RSAD2: variants seen among roughly 807,000 people sequenced by gnomAD.
RSAD2 encodes radical S-adenosyl methionine domain containing 2.
A neutral mutation model predicts 37.7 loss-of-function variants in RSAD2; 38 were observed. That is an observed-to-expected ratio of 1.01 (90% CI 0.78 to 1.32). RSAD2 has a LOEUF of 1.32. RSAD2 is among the 40% of genes most tolerant of loss of function. RSAD2 has a pLI of 0.00. For missense variants in RSAD2, 428 were observed against 437.5 expected, an observed-to-expected ratio of 0.98 and a Z score of 0.19; for synonymous variants, 163 against 157.4, an observed-to-expected ratio of 1.04 and a Z score of -0.27.
chr2:6,867,322 G>A (rs1315602632), intron 1 of RSAD2, among the ~76,000 whole-genome samples: 1 of 152,180 alleles, frequency 6.6e-6, no homozygotes, highest in Non-Finnish European at 1.5e-5. Flanking sequence ...TCTTTCTAGC[G>A]TGCAGACCGC....
Position 6,896,039 on chromosome 2 carries a change from C to T in RSAD2, c.*97C>T, listed in dbSNP as rs1663769186. 2 of 1,221,044 alleles carry T rather than the reference C, an allele frequency of 1.6e-6. No homozygotes were observed. Among genetic ancestry groups the T allele is most frequent in the Non-Finnish European group, 2.3e-6 (2 of 877,792 alleles). 75.6% of individuals were successfully genotyped at this position (1,221,044 alleles called of 1,614,324 possible). A position where few individuals can be genotyped will look rare whatever the true frequency, so the allele number is the denominator to read the frequency against. ...CTATCCCGTTGGTATTTCCCAGTGG[C>T]TGAAAACCTGATTTTCTGCTGCACG... On this transcript the variant is annotated 3_prime_UTR_variant, in exon 6 of 6. Transcript: ENST00000382040.
intron 1 of RSAD2, 72 bp downstream of exon 1, chr2:6,878,218 G>C: frequency 7.7e-7 from 1 of 1,302,872 alleles, no homozygotes; most frequent in Non-Finnish European, 1.1e-6. Context: ...AGAAGGGGCT[G>C]GGGGTATGCA....
intron 4 of RSAD2, among the ~76,000 whole-genome samples, chr2:6,892,249 G>A (rs1663648962): frequency 1.3e-5 from 2 of 152,076 alleles, no homozygotes; most frequent in South Asian, 4.1e-4. Context: ...TGAGGCTCTA[G>A]GTAAATGGTT....
At chr2:6,865,956 C>T (rs1663075007) in exon 1 of RSAD2, 6 of 1,225,566 alleles carry the variant, frequency 4.9e-6, no homozygotes, top group Middle Eastern at 2.3e-4. Flanking sequence ...CCCCGGGGCC[C>T]CAGGTGCGCG....
chr2:6,881,627 A>G (rs1291454043), intron 1 of RSAD2, among the ~76,000 whole-genome samples: 1 of 152,250 alleles, frequency 6.6e-6, no homozygotes, highest in African/African-American at 2.4e-5. Flanking sequence ...ATTAATAGAG[A>G]CAAGAAAGAG....
chr2:6,886,449 T>A (rs1663522821), intron 2 of RSAD2, among the ~76,000 whole-genome samples: 1 of 152,226 alleles, frequency 6.6e-6, no homozygotes, highest in Non-Finnish European at 1.5e-5. Context: ...TCTAGATATT[T>A]AGATGATGAG....
At chr2:6,871,560 G>A (rs1397229399) in intron 1 of RSAD2, among the ~76,000 whole-genome samples, 1 of 152,130 alleles carries the variant, frequency 6.6e-6, no homozygotes, top group Non-Finnish European at 1.5e-5. Context: ...TTGCTATGTG[G>A]GACAGATACA....
chr2:6,891,723 CT>C (rs1663635329), intron 4 of RSAD2, among the ~76,000 whole-genome samples: 1 of 152,084 alleles, frequency 6.6e-6, no homozygotes, highest in Admixed American at 6.5e-5. Flanking sequence ...GCGGAGATCG[CT>C]CACTGCAGTC....
rs531200774 is a variant in RSAD2, at chr2:6,881,112, T to C, written c.347-2259T>C. On this transcript the variant is annotated intron_variant, in intron 1 of 5. Coordinates refer to ENST00000382040, the MANE Select transcript of RSAD2 (RefSeq NM_080657.5). ...TTCTAAATATACTCCTCAAAATTGT[T>C]AGCAGTTTTGTGCCACTGGCCAGGA... Among the ~76,000 whole-genome samples, 12 of 152,356 alleles carry C rather than the reference T, an allele frequency of 7.9e-5. No homozygotes were observed. The South Asian group carries it at 2.5e-3, about 32-fold the overall frequency.
chr2:6,866,019 A>C, exon 1 of RSAD2: 49 of 461,972 alleles, frequency 1.1e-4, no homozygotes, highest in East Asian at 3.3e-4. Context: ...CTGACACCGA[A>C]TGAGGCCCCG....
chr2:6,893,654 T>A lies in RSAD2; in HGVS notation c.889-17T>A. The A allele has an allele frequency of 2.5e-6, 4 of 1,601,902 alleles. No homozygotes were observed. The highest frequency in any genetic ancestry group is 3.4e-6 in the Non-Finnish European group (4 of 1,168,986). On this transcript the variant is annotated splice_polypyrimidine_tract_variant and intron_variant, in intron 4 of 5. Coordinates refer to ENST00000382040, the MANE Select transcript of RSAD2 (RefSeq NM_080657.5). Reference sequence around the variant, plus strand: ...AATGCACCTGAAACTAAATTTGTATTAACTTCTCCTTTGCAGATGAAAGAC... The same window carrying A: ...AATGCACCTGAAACTAAATTTGTATAAACTTCTCCTTTGCAGATGAAAGAC...
upstream of RSAD2, among the ~76,000 whole-genome samples, chr2:6,874,521 T>C (rs1663251494): frequency 6.6e-6 from 1 of 152,244 alleles, no homozygotes; most frequent in Admixed American, 6.5e-5. Flanking sequence ...ATAGCTGTTC[T>C]GGATTTTTCT....
At chr2:6,895,292 A>G (rs547937353) in intron 5 of RSAD2, among the ~76,000 whole-genome samples, 53 of 152,332 alleles carry the variant, frequency 3.5e-4, no homozygotes, top group African/African-American at 1.3e-3. Context: ...GTTTCTCAAA[A>G]CAAGCCTTTA....
chr2:6,876,541 C>G (rs2103238162), upstream of RSAD2, among the ~76,000 whole-genome samples: 1 of 152,324 alleles, frequency 6.6e-6, no homozygotes, highest in African/African-American at 2.4e-5. Context: ...TTCAATTGTG[C>G]AAGACCATGG....
At chr2:6,868,621 A>T (rs1663149226) in intron 1 of RSAD2, among the ~76,000 whole-genome samples, 1 of 152,246 alleles carries the variant, frequency 6.6e-6, no homozygotes, top group Non-Finnish European at 1.5e-5. Context: ...CAAGGAACAG[A>T]TAAGCTCTCT....
intron 5 of RSAD2, among the ~76,000 whole-genome samples, chr2:6,894,379 G>A (rs182208387): frequency 3.3e-4 from 50 of 152,200 alleles, no homozygotes; most frequent in Non-Finnish European, 4.6e-4. Context: ...TTAAAGAAAT[G>A]AGCTCCAACA....
In RSAD2 at chr2:6,890,206, A is replaced by T. The variant is rs1316561135; in HGVS notation, c.769A>T (p.Asn257Tyr). The change falls in exon 4 of 6, where the codon AAT becomes TAT. Residue 257 changes from asparagine to tyrosine, a missense_variant. Coordinates refer to ENST00000382040, the MANE Select transcript of RSAD2 (RefSeq NM_080657.5). ...CCAGTGCCTCTTAATTGAGGGTGAG[A>T]ATTGTGGAGAAGATGCTCTAAGAGA... ...VFQCLLIEGE[N>Y]CGEDALREAE... 6.2e-7 allele frequency: 1 copy of T among 1,614,172 alleles called. No homozygotes were observed. The highest frequency in any genetic ancestry group is 8.5e-7 in the Non-Finnish European group (1 of 1,180,030).
Position 6,897,646 on chromosome 2 carries a change from A to G in RSAD2, c.*1704A>G, listed in dbSNP as rs1254412022. On this transcript the variant is annotated 3_prime_UTR_variant, in exon 6 of 6. Transcript: ENST00000382040. ...CATGGGTTTTGATTGTGTCTAAGCT[A>G]TGATGACCTTCATATAATCAGCATA... 3.3e-5 allele frequency: 5 copies of G among 152,234 alleles called. No homozygotes were observed. The highest frequency in any genetic ancestry group is 4.8e-5 in the African/African-American group (2 of 41,452). 9.4% of individuals were successfully genotyped at this position (152,234 alleles called of 1,614,324 possible). A position where few individuals can be genotyped will look rare whatever the true frequency, so the allele number is the denominator to read the frequency against.
chr2:6,890,651 T>C (rs1359120005), intron 4 of RSAD2, among the ~76,000 whole-genome samples: 2 of 152,234 alleles, frequency 1.3e-5, no homozygotes, highest in African/African-American at 4.8e-5. Flanking sequence ...GTGTCATACA[T>C]GCATGACATA....
Sources: allele counts gnomAD v4.1 joint callset (sites outside exome capture counted in the v4.1 genomes callset), GRCh38; gene constraint gnomAD v4.1.1; transcripts MANE v1.5; gene names NCBI Gene and HGNC (gene_info 2026-07-23, HGNC 2026-07-21).